Variants in DOK6 observed in about 807,000 individuals in gnomAD.
DOK6 encodes docking protein 6.
In DOK6, 22 loss-of-function variants were observed where a neutral mutation model predicts 44.0. The observed-to-expected ratio is 0.50, with a 90% CI of 0.36 to 0.71. DOK6 has a LOEUF of 0.71. Ranked by LOEUF, DOK6 falls within the 30% of genes least tolerant of loss-of-function variation. The pLI is 0.00. For missense variants in DOK6, 340 were observed against 416.4 expected (o/e 0.82, Z 1.60); for synonymous variants, 166 against 145.5 (o/e 1.14, Z -1.01).
chr18:69,631,691 G>A (rs574043622), intron 3 of DOK6, among the ~76,000 whole-genome samples: 3 of 152,194 alleles, frequency 2.0e-5, no homozygotes, highest in South Asian at 2.1e-4. Flanking sequence ...AATATTAGAC[G>A]TTTGATACCG....
At chr18:69,547,745 A>G (rs1982445099) in intron 1 of DOK6, among the ~76,000 whole-genome samples, 1 of 150,270 alleles carries the variant, frequency 6.7e-6, no homozygotes, top group East Asian at 1.9e-4. Flanking sequence ...CCATCATTCT[A>G]CTCTCTCTCC....
intron 5 of DOK6, among the ~76,000 whole-genome samples, chr18:69,705,952 A>G (rs1986623744): frequency 6.6e-6 from 1 of 152,210 alleles, no homozygotes; most frequent in South Asian, 2.1e-4. Context: ...ATTTCTGCTA[A>G]GAAACTGCAG....
Position 69,679,822 on chromosome 18 carries a change from G to T in DOK6, c.409+1969G>T, listed in dbSNP as rs189358552. Among the ~76,000 whole-genome samples the T allele has an allele frequency of 7.8e-4, 118 of 152,074 alleles. 1 individual carries two copies. Among genetic ancestry groups the T allele is most frequent in the Admixed American group, 4.3e-3 (66 of 15,246 alleles). On this transcript the variant is annotated intron_variant, in intron 4 of 7. Coordinates refer to ENST00000382713, the MANE Select transcript of DOK6 (RefSeq NM_152721.6). Reference sequence around the variant, plus strand: ...ATTTTATTTCTAATTTGATAATAAGGTCAAAGTAATTTGTCTAGAATATAA... The same window carrying T: ...ATTTTATTTCTAATTTGATAATAAGTTCAAAGTAATTTGTCTAGAATATAA...
At chr18:69,834,300 T>C (rs116804357) in intron 7 of DOK6, among the ~76,000 whole-genome samples, 106 of 152,322 alleles carry the variant, frequency 7.0e-4, no homozygotes, top group African/African-American at 2.3e-3. Context: ...TTACACGTTC[T>C]CACTCATATG....
chr18:69,428,996 G>A (rs1051079662), intron 1 of DOK6, among the ~76,000 whole-genome samples: 1 of 152,170 alleles, frequency 6.6e-6, no homozygotes, highest in Non-Finnish European at 1.5e-5. Flanking sequence ...TTTCACAAAT[G>A]AATGTACTCA....
chr18:69,434,030 C>T (rs1458583759), intron 1 of DOK6, among the ~76,000 whole-genome samples: 1 of 152,172 alleles, frequency 6.6e-6, no homozygotes, highest in Non-Finnish European at 1.5e-5. Flanking sequence ...ATAATCAGTT[C>T]CATCTGTTAT....
At chr18:69,787,440 C>T (rs940798719) in intron 7 of DOK6, among the ~76,000 whole-genome samples, 4 of 152,160 alleles carry the variant, frequency 2.6e-5, no homozygotes, top group Admixed American at 2.0e-4. Context: ...GGGTCCACCT[C>T]TCTGACAGTG....
chr18:69,482,848 A>G (rs17081006), intron 1 of DOK6, among the ~76,000 whole-genome samples: 36,254 of 151,848 alleles, frequency 0.24, 4,758 homozygotes, highest in East Asian at 0.53. Context: ...GCAGTAATTT[A>G]CTAAATGCTG....
intron 1 of DOK6, among the ~76,000 whole-genome samples, chr18:69,522,113 C>T (rs1296719200): frequency 6.6e-6 from 1 of 151,852 alleles, no homozygotes; most frequent in Admixed American, 6.6e-5. Context: ...ATAAAATCAA[C>T]TGAATCCCTT....
chr18:69,726,847 CTT>C (rs200732925), intron 5 of DOK6, among the ~76,000 whole-genome samples: 1 of 127,042 alleles, frequency 7.9e-6, no homozygotes, highest in Non-Finnish European at 1.7e-5. Flanking sequence ...TTTTGTGATC[CTT>C]TTTAAAAAAA....
intron 4 of DOK6, among the ~76,000 whole-genome samples, chr18:69,691,413 A>G (rs1986264666): frequency 7.1e-6 from 1 of 140,266 alleles, no homozygotes; most frequent in African/African-American, 2.7e-5. Flanking sequence ...GAGGAAGGGC[A>G]AGAGAACTAC....
rs142481619 is a variant in DOK6 at position 69,678,433 on chromosome 18, C to T, written c.409+580C>T. Among the ~76,000 whole-genome samples, 5 of 152,266 alleles carry T rather than the reference C, an allele frequency of 3.3e-5. No homozygotes were observed. In the East Asian group the frequency reaches 9.7e-4, roughly 29 times the overall value. On this transcript the variant is annotated intron_variant, in intron 4 of 7. Transcript: ENST00000382713. ...CTTCAGAAGGCTTTTGAATGGCTAG[C>T]ATCCCTCCAGTTTCTTCTTGGAGAC...
rs117940307 is a variant in DOK6 at position 69,404,304 on chromosome 18, C to A, written c.66+2994C>A. 2.0e-5 allele frequency among the ~76,000 whole-genome samples: 3 copies of A among 152,328 alleles called. No individual in the cohort carries two copies. The East Asian group carries it at 5.8e-4, about 29-fold the overall frequency. On this transcript the variant is annotated intron_variant, in intron 1 of 7. Transcript: ENST00000382713. ...TCAAAAAGGCCCTTGCCCTGTGTCT[C>A]ACTGGGGAAGCTAGCAACCTGTTGA... is the stretch of plus-strand genomic sequence containing the variant.
intron 4 of DOK6, among the ~76,000 whole-genome samples, chr18:69,689,496 T>C (rs1986219503): frequency 6.6e-6 from 1 of 152,208 alleles, no homozygotes; most frequent in Admixed American, 6.5e-5. Flanking sequence ...ACAGTAGATG[T>C]AATTTTTGAT....
At chr18:69,537,373 A>G (rs372786853) in intron 1 of DOK6, among the ~76,000 whole-genome samples, 9 of 152,184 alleles carry the variant, frequency 5.9e-5, no homozygotes, top group African/African-American at 1.9e-4. Flanking sequence ...GCACACTGAG[A>G]ATATCATTAT....
intron 7 of DOK6, among the ~76,000 whole-genome samples, chr18:69,818,256 T>C (rs1981459019): frequency 6.6e-6 from 1 of 152,138 alleles, no homozygotes; most frequent in Admixed American, 6.5e-5. Flanking sequence ...TTCCTTCACA[T>C]CTTGAGACAT....
intron 3 of DOK6, among the ~76,000 whole-genome samples, chr18:69,667,349 T>G (rs964645242): frequency 3.3e-5 from 5 of 152,200 alleles, no homozygotes; most frequent in Non-Finnish European, 7.3e-5. Context: ...TGTCTATTAT[T>G]TAACTGTCTG....
In DOK6 at chr18:69,773,866, A is replaced by G. The variant is rs200706565; in HGVS notation, c.856+15993A>G. Among the ~76,000 whole-genome samples, 65 of 151,812 alleles carry G rather than the reference A, an allele frequency of 4.3e-4. 1 individual carries two copies. In the East Asian group the frequency reaches 0.012, roughly 28 times the overall value. ...GGAAAACAGTCTGGAGACTCCTTAA[A>G]GAACCAAAAATAGAATACCATTTGA... On this transcript the variant is annotated intron_variant, in intron 7 of 7. Transcript: ENST00000382713.
intron 7 of DOK6, among the ~76,000 whole-genome samples, chr18:69,774,133 G>GATAGATATATATATATATATATAT (rs1555670145): frequency 3.0e-5 from 2 of 66,866 alleles, no homozygotes; most frequent in Non-Finnish European, 6.5e-5. Context: ...ATATATATGA[G>GATAGATATATATATATATATATAT]ATATATATAT....
Sources: allele counts gnomAD v4.1 joint callset (sites outside exome capture counted in the v4.1 genomes callset), GRCh38; gene constraint gnomAD v4.1.1; transcripts MANE v1.5; gene names NCBI Gene and HGNC (gene_info 2026-07-23, HGNC 2026-07-21).